SNRPN: variants seen among roughly 807,000 people sequenced by gnomAD.
SNRPN encodes the protein small nuclear ribonucleoprotein-associated protein N.
In SNRPN, 7 loss-of-function variants were observed where a neutral mutation model predicts 25.2. The observed-to-expected ratio is 0.28, with a 90% CI of 0.16 to 0.52. The LOEUF (loss-of-function observed/expected upper bound fraction) is 0.52, where lower values mean the gene tolerates loss of function less well. Ranked by LOEUF, SNRPN falls within the 20% of genes least tolerant of loss-of-function variation. The pLI, the probability that SNRPN is intolerant of heterozygous loss-of-function variation, is 0.96. For missense variants in SNRPN, 196 were observed against 322.5 expected (o/e 0.61, Z 3.00); for synonymous variants, 124 against 110.6 (o/e 1.12, Z -0.76).
intron 3 of SNRPN, among the ~76,000 whole-genome samples, chr15:24,943,579 A>G (rs2061693521): frequency 6.6e-6 from 1 of 152,148 alleles, no homozygotes; most frequent in Non-Finnish European, 1.5e-5. Flanking sequence ...CAGTTCATGA[A>G]GGGCAGCTTA....
intron 3 of SNRPN, among the ~76,000 whole-genome samples, chr15:24,946,890 G>A (rs999366651): frequency 6.6e-6 from 1 of 152,174 alleles, no homozygotes; most frequent in Admixed American, 6.5e-5. Context: ...CTGCTGCATA[G>A]TAAGGATATG....
intron 2 of SNRPN, among the ~76,000 whole-genome samples, chr15:24,887,711 AGACCT>A (rs2057320784): frequency 6.6e-6 from 1 of 152,194 alleles, no homozygotes; most frequent in African/African-American, 2.4e-5. Flanking sequence ...GACAGGCATC[AGACCT>A]GGGATAGACA....
In SNRPN at chr15:24,864,334, CTTTTCTT is replaced by C. The variant is rs1205035914; in HGVS notation, c.-579+7623_-579+7629del. Among the ~76,000 whole-genome samples, 9 of 84,812 alleles carry C rather than the reference CTTTTCTT, an allele frequency of 1.1e-4. No homozygotes were observed. In the Admixed American group the frequency reaches 1.2e-3, roughly 12 times the overall value. 55.6% of individuals were successfully genotyped at this position (84,812 alleles called of 152,430 possible). On this transcript the variant is annotated intron_variant, in intron 1 of 11. Transcript: ENST00000400097. The stretch of plus-strand genomic sequence containing the variant: ...AGAACCGCCGCTCCCGGCCCCTCTT[CTTTTCTT>C]TTTTTTTTTTTTTTTTTTTTTGGTG...
chr15:24,888,941 A>T (rs946995582), intron 2 of SNRPN, among the ~76,000 whole-genome samples: 6 of 151,842 alleles, frequency 4.0e-5, no homozygotes, highest in African/African-American at 1.5e-4. Context: ...TTTTTGAGAC[A>T]GAGTCTCGCT....
intron 3 of SNRPN, among the ~76,000 whole-genome samples, chr15:24,939,890 A>G (rs534818073): frequency 1.3e-5 from 2 of 151,940 alleles, no homozygotes; most frequent in African/African-American, 2.4e-5. Context: ...TCCGGGTTCA[A>G]GCAATTCTCT....
rs572902260 is a variant in SNRPN at position 24,968,318 on chromosome 15, C to T, written c.-144+236C>T. ...ATGCTTTTCAGGTAGTTTTCTTTTGCGTTTTTTTTAATTATATAAAAATAT... is the reference window on the plus strand; with the variant it reads ...ATGCTTTTCAGGTAGTTTTCTTTTGTGTTTTTTTTAATTATATAAAAATAT... On this transcript the variant is annotated intron_variant, in intron 3 of 9. Coordinates refer to ENST00000390687, the MANE Select transcript of SNRPN (RefSeq NM_003097.6). The T allele has an allele frequency of 1.7e-4, 52 of 300,008 alleles. 2 individuals carry two copies. The South Asian group carries it at 1.8e-3, about 10-fold the overall frequency. 18.6% of individuals were successfully genotyped at this position (300,008 alleles called of 1,614,324 possible).
At chr15:24,864,754 T>C (rs2054404987) in intron 1 of SNRPN, among the ~76,000 whole-genome samples, 1 of 152,154 alleles carries the variant, frequency 6.6e-6, no homozygotes, top group African/African-American at 2.4e-5. Context: ...TAAACTTAGT[T>C]CAAAATGTTG....
intron 2 of SNRPN, among the ~76,000 whole-genome samples, chr15:24,835,410 A>G (rs2051077583): frequency 6.6e-6 from 1 of 151,918 alleles, no homozygotes; most frequent in Admixed American, 6.6e-5. Flanking sequence ...TGTAGAAGCA[A>G]ATCACAGCTT....
chr15:24,930,153 T>C (rs1236297974), intron 3 of SNRPN, among the ~76,000 whole-genome samples: 2 of 77,542 alleles, frequency 2.6e-5, no homozygotes, highest in African/African-American at 9.7e-5. Flanking sequence ...CAAAAATAAA[T>C]AAATAAAAAT....
intron 1 of SNRPN, among the ~76,000 whole-genome samples, chr15:24,879,083 A>G (rs938982408): frequency 6.6e-6 from 1 of 152,174 alleles, no homozygotes; most frequent in Non-Finnish European, 1.5e-5. Context: ...CAAAAGGACA[A>G]TACTACTTTC....
At chr15:24,966,351 C>A (rs2075635049) in intron 2 of SNRPN, among the ~76,000 whole-genome samples, 1 of 152,160 alleles carries the variant, frequency 6.6e-6, no homozygotes, top group African/African-American at 2.4e-5. Flanking sequence ...CCACACAAAT[C>A]TTCCCTGTCC....
At chr15:24,909,416 T>C in intron 2 of SNRPN, 3 of 1,595,272 alleles carry the variant, frequency 1.9e-6, no homozygotes, top group Non-Finnish European at 2.6e-6. Context: ...TGGCTGACCA[T>C]CAATGCTTTC....
At chr15:24,918,721 AATAT>A (rs1203310230) in intron 2 of SNRPN, among the ~76,000 whole-genome samples, 1,932 of 80,910 alleles carry the variant, frequency 0.024, 204 homozygotes, top group South Asian at 0.054. Context: ...TATATAACAT[AATAT>A]ATATGTGTGC....
At chr15:24,939,350 A>G (rs973557551) in intron 3 of SNRPN, among the ~76,000 whole-genome samples, 1 of 152,158 alleles carries the variant, frequency 6.6e-6, no homozygotes, top group African/African-American at 2.4e-5. Flanking sequence ...GATGCTGAGC[A>G]TCTTTGGATG....
chr15:24,967,134 C>T (rs967720663), intron 2 of SNRPN: 1 of 152,136 alleles, frequency 6.6e-6, no homozygotes, highest in Non-Finnish European at 1.5e-5. Flanking sequence ...AAGGATTGTT[C>T]ACACAGGATA....
At chr15:24,829,894 A>G (rs2050378046) in exon 2 of SNRPN, 1 of 152,116 alleles carries the variant, frequency 6.6e-6, no homozygotes, top group Non-Finnish European at 1.5e-5. Context: ...CTAACAGCAA[A>G]CTGCAAATGA....
At chr15:24,947,655 CAT>C (rs1332984640) in intron 3 of SNRPN, among the ~76,000 whole-genome samples, 1 of 152,040 alleles carries the variant, frequency 6.6e-6, no homozygotes, top group Non-Finnish European at 1.5e-5. Flanking sequence ...AACAGAAAAA[CAT>C]AACCTAATTT....
intron 3 of SNRPN, among the ~76,000 whole-genome samples, chr15:24,941,777 T>G (rs1275126901): frequency 1.3e-5 from 2 of 151,916 alleles, no homozygotes; most frequent in African/African-American, 4.8e-5. Flanking sequence ...TTTTATTTAT[T>G]TATTTATTTA....
At position 24,978,668 on chromosome 15, in the gene SNRPN, T is replaced by C; in HGVS notation, c.*224T>C. 1 of 581,174 alleles carries C rather than the reference T, an allele frequency of 1.7e-6. No individual in the cohort carries two copies. The highest frequency in any genetic ancestry group is 2.8e-5 in the East Asian group (1 of 35,272). 36.0% of individuals were successfully genotyped at this position (581,174 alleles called of 1,614,324 possible). A position where few individuals can be genotyped will look rare whatever the true frequency, so the allele number is the denominator to read the frequency against. ...ATGAGGGTGATGCCTATTAAGCAGT[T>C]GATTCAAATCATATTCTCTTTAATT... On this transcript the variant is annotated 3_prime_UTR_variant, in exon 10 of 10. Transcript: ENST00000390687.
Sources: gnomAD v4.1 joint callset for allele counts (sites outside exome capture counted in the v4.1 genomes callset) on GRCh38, gnomAD v4.1.1 for gene constraint, MANE v1.5 for transcripts, NCBI Gene and HGNC (gene_info 2026-07-23, HGNC 2026-07-21) for gene names.